Variants in PGBD5 observed in about 807,000 individuals in gnomAD.
The protein encoded by PGBD5 is piggyBac transposable element-derived protein 5.
In PGBD5, 14 loss-of-function variants were observed where a neutral mutation model predicts 47.9. The observed-to-expected ratio is 0.29, with a 90% CI of 0.19 to 0.46. The LOEUF is 0.46. Among genes scored for constraint, PGBD5 ranks in the 20% least tolerant of loss-of-function variants. PGBD5 has a pLI of 1.00. For synonymous variants in PGBD5, 316 were observed against 306.3 expected, an observed-to-expected ratio of 1.03 and a Z score of -0.33; for missense variants, 635 against 716.0, an observed-to-expected ratio of 0.89 and a Z score of 1.29.
In PGBD5 at chr1:230,322,483, G is replaced by A. The variant is rs1489301063; in HGVS notation, c.*942C>T. The A allele has an allele frequency of 1.3e-5, 2 of 152,546 alleles. No individual in the cohort carries two copies. Among genetic ancestry groups the A allele is most frequent in the African/African-American group, 4.8e-5 (2 of 41,476 alleles). 9.4% of individuals were successfully genotyped at this position (152,546 alleles called of 1,614,324 possible). On this transcript the variant is annotated 3_prime_UTR_variant, in exon 7 of 7. Coordinates refer to ENST00000391860, the MANE Select transcript of PGBD5 (RefSeq NM_001258311.2). The surrounding 1 kb of genome is among the most constrained non-coding windows in gnomAD (Gnocchi z 5.9). ...CAATGCTACTTATTTTTCAAGACAA[G>A]TAATTCTGCCAATGATGACATCTGC...
At position 230,401,380 on chromosome 1, in the gene PGBD5, C is replaced by T. The variant is rs572103928; in HGVS notation, c.331+24218G>A. On this transcript the variant is annotated intron_variant, in intron 1 of 6. Coordinates refer to ENST00000391860, the MANE Select transcript of PGBD5 (RefSeq NM_001258311.2). ...TACGTGCTCCGGGACTGCTCATCCC[C>T]GTTGAGGTGGCTCTTCTCATGGGGA... 3.3e-5 allele frequency among the ~76,000 whole-genome samples: 5 copies of T among 152,308 alleles called. No homozygotes were observed. In the East Asian group the frequency reaches 7.7e-4, roughly 24 times the overall value.
At chr1:230,351,230 G>A (rs772352313) in intron 2 of PGBD5, 138 bp from the exon 3 acceptor site, 69 of 940,082 alleles carry the variant, frequency 7.3e-5, no homozygotes, top group Non-Finnish European at 9.4e-5. Context: ...CTCTGATCCT[G>A]ACCCTTCTTA....
intron 1 of PGBD5, among the ~76,000 whole-genome samples, chr1:230,402,512 G>A (rs1437629561): frequency 6.6e-6 from 1 of 152,204 alleles, no homozygotes; most frequent in Non-Finnish European, 1.5e-5. Flanking sequence ...TGTTGGGGGA[G>A]GGGGCTTTGC....
At position 230,321,956 on chromosome 1, in the gene PGBD5, G is replaced by A. The variant is rs1667038945; in HGVS notation, c.*1469C>T. 6.6e-6 allele frequency: 1 copy of A among 152,508 alleles called. No individual in the cohort carries two copies. Among genetic ancestry groups the A allele is most frequent in the Non-Finnish European group, 1.5e-5 (1 of 68,038 alleles). The allele number at this position is 152,508 out of a possible 1,614,324, so 9.4% of individuals were successfully genotyped here. On this transcript the variant is annotated 3_prime_UTR_variant, in exon 7 of 7. Transcript: ENST00000391860. ...GAGCACAGGAGCCACGTGGGGCCCG[G>A]AGCATGCGGACAGCAACACTCGCAA... is the stretch of plus-strand genomic sequence containing the variant.
chr1:230,349,534 C>A (rs1361621311), intron 3 of PGBD5, among the ~76,000 whole-genome samples: 307 of 83,604 alleles, frequency 3.7e-3, no homozygotes, highest in Middle Eastern at 7.6e-3. Flanking sequence ...GACCCCGTCT[C>A]AAAAAAAAAA....
chr1:230,391,188 TGTC>T lies in PGBD5; in HGVS notation c.332-33870_332-33868del, dbSNP rs1656775589. 2.0e-5 allele frequency among the ~76,000 whole-genome samples: 3 copies of T among 152,148 alleles called. No individual in the cohort carries two copies. In the South Asian group the frequency reaches 6.2e-4, roughly 32 times the overall value. On this transcript the variant is annotated intron_variant, in intron 1 of 6. Coordinates refer to ENST00000391860, the MANE Select transcript of PGBD5 (RefSeq NM_001258311.2). Reference sequence around the variant, plus strand: ...GGGCGGGAGGGAGCTGCTACCAGCCTGTCGCTGTGGCTGACATCTGGAACAAAG... The same window carrying T: ...GGGCGGGAGGGAGCTGCTACCAGCCTGCTGTGGCTGACATCTGGAACAAAG...
At chr1:230,364,221 G>A (rs1004272033) in intron 1 of PGBD5, among the ~76,000 whole-genome samples, 6 of 152,212 alleles carry the variant, frequency 3.9e-5, no homozygotes, top group Non-Finnish European at 4.4e-5. Flanking sequence ...GCTCACTTCC[G>A]GACACCACTG....
intron 1 of PGBD5, among the ~76,000 whole-genome samples, chr1:230,398,049 C>A (rs922223967): frequency 1.3e-5 from 2 of 152,154 alleles, no homozygotes; most frequent in Non-Finnish European, 2.9e-5. Context: ...ATCTGGCACC[C>A]AGGAACTCCT....
At chr1:230,386,391 A>C (rs1474333299) in intron 1 of PGBD5, among the ~76,000 whole-genome samples, 2 of 151,862 alleles carry the variant, frequency 1.3e-5, no homozygotes, top group Non-Finnish European at 2.9e-5. Flanking sequence ...TCACTTTTCT[A>C]ATTAGTACTG....
chr1:230,343,709 T>C (rs552868743), intron 3 of PGBD5, among the ~76,000 whole-genome samples: 138 of 152,326 alleles, frequency 9.1e-4, no homozygotes, highest in African/African-American at 3.3e-3. Context: ...AATTCCATAG[T>C]GGTCCTCACT....
At chr1:230,363,217 A>G (rs541627899) in intron 1 of PGBD5, among the ~76,000 whole-genome samples, 1 of 152,182 alleles carries the variant, frequency 6.6e-6, no homozygotes, top group African/African-American at 2.4e-5. Flanking sequence ...CTCTGCCTTC[A>G]TTCAGATCTG....
intron 1 of PGBD5, among the ~76,000 whole-genome samples, chr1:230,414,242 C>G (rs1454950345): frequency 2.0e-5 from 3 of 152,170 alleles, no homozygotes; most frequent in Non-Finnish European, 2.9e-5. Flanking sequence ...GGACCAGTGT[C>G]TGTGTGTCTC....
In PGBD5 at chr1:230,359,776, T is replaced by C. The variant is rs577510313; in HGVS notation, c.332-2455A>G. ...CCAAGATATCATCAACAGAAATTCA[T>C]TGACAGCCAGGCCGAGGGCTTTCCA... On this transcript the variant is annotated intron_variant, in intron 1 of 6. Transcript: ENST00000391860. 6.6e-5 allele frequency among the ~76,000 whole-genome samples: 10 copies of C among 152,322 alleles called. No homozygotes were observed. The East Asian group carries it at 1.3e-3, about 21-fold the overall frequency.
In PGBD5 at chr1:230,420,292, G is replaced by GA. The variant is rs539034957; in HGVS notation, c.331+5305dup. Among the ~76,000 whole-genome samples the GA allele has an allele frequency of 4.7e-3, 719 of 152,222 alleles. 3 individuals carry two copies. The highest frequency in any genetic ancestry group is 7.4e-3 in the Non-Finnish European group (503 of 68,010). On this transcript the variant is annotated intron_variant, in intron 1 of 6. Coordinates refer to ENST00000391860, the MANE Select transcript of PGBD5 (RefSeq NM_001258311.2). ...AAAACATCTTTTTAAAATTTAAATG[G>GA]AAAATGTTCATAATATATTAATAAC...
intron 3 of PGBD5, among the ~76,000 whole-genome samples, chr1:230,339,307 G>A (rs1025696463): frequency 6.6e-6 from 1 of 152,148 alleles, no homozygotes; most frequent in African/African-American, 2.4e-5. Flanking sequence ...CACCTTCCCC[G>A]TCCAAACACT....
intron 1 of PGBD5, among the ~76,000 whole-genome samples, chr1:230,368,682 GAA>G (rs1453267697): frequency 1.3e-5 from 2 of 152,230 alleles, no homozygotes; most frequent in Non-Finnish European, 2.9e-5. Flanking sequence ...AGGGAGAGAA[GAA>G]AAAGACACAG....
At chr1:230,406,344 T>C (rs1657297661) in intron 1 of PGBD5, among the ~76,000 whole-genome samples, 2 of 150,670 alleles carry the variant, frequency 1.3e-5, no homozygotes, top group Admixed American at 6.6e-5. Context: ...AGAAATTCTG[T>C]TAAAGTAGAA....
At chr1:230,325,847 C>G (rs1667108097) in intron 5 of PGBD5, among the ~76,000 whole-genome samples, 1 of 152,002 alleles carries the variant, frequency 6.6e-6, no homozygotes, top group Admixed American at 6.5e-5. Flanking sequence ...TGAGGTCAGA[C>G]AGCACCATGG....
rs547346466 is a variant in PGBD5, at chr1:230,324,424, A to G, written c.1380-804T>C. Among the ~76,000 whole-genome samples, 7 of 152,358 alleles carry G rather than the reference A, an allele frequency of 4.6e-5. No homozygotes were observed. In the East Asian group the frequency reaches 1.2e-3, roughly 25 times the overall value. On this transcript the variant is annotated intron_variant, in intron 6 of 6. Coordinates refer to ENST00000391860, the MANE Select transcript of PGBD5 (RefSeq NM_001258311.2). ...TTGTAACAACCTCATGGAATTTAGT[A>G]AGGTGCTGAGCACATAGTGGGCGTT...
Sources: allele counts gnomAD v4.1 joint callset (sites outside exome capture counted in the v4.1 genomes callset), GRCh38; gene constraint gnomAD v4.1.1; non-coding constraint Gnocchi (gnomAD v3.1); transcripts MANE v1.5; gene names NCBI Gene and HGNC (gene_info 2026-07-23, HGNC 2026-07-21).